The following TMEM108 variants were observed in gnomAD, a reference collection of about 807,000 sequenced individuals.
TMEM108 encodes the protein transmembrane protein 108, also known as cancer/testis antigen 124.
In TMEM108, 12 loss-of-function variants were observed where a neutral mutation model predicts 35.1. That is an observed-to-expected ratio of 0.34 (90% CI 0.22 to 0.55). The LOEUF is 0.55. Among genes scored for constraint, TMEM108 ranks in the 20% least tolerant of loss-of-function variants. The pLI is 0.89. For synonymous variants in TMEM108, 287 were observed against 308.6 expected (o/e 0.93, Z 0.73); for missense variants, 680 against 753.3 (o/e 0.90, Z 1.14).
In TMEM108 at chr3:133,371,629, A is replaced by C. The variant is rs895648569; in HGVS notation, c.41-8123A>C. Among the ~76,000 whole-genome samples, 3 of 151,210 alleles carry C rather than the reference A, an allele frequency of 2.0e-5. No individual in the cohort carries two copies. In the East Asian group the frequency reaches 5.8e-4, roughly 29 times the overall value. On this transcript the variant is annotated intron_variant, in intron 3 of 5. Coordinates refer to ENST00000321871, the MANE Select transcript of TMEM108 (RefSeq NM_023943.4). Reference sequence around the variant, plus strand: ...ACAAACCCACAAAAAAAAAAAAAAAAAAAAAAAAAACCCACCCAGATTTAA... The same window carrying C: ...ACAAACCCACAAAAAAAAAAAAAAACAAAAAAAAAACCCACCCAGATTTAA...
rs554259305 is a variant in TMEM108 at position 133,240,173 on chromosome 3, T to C, written c.40+10822T>C. Among the ~76,000 whole-genome samples, 17 of 152,250 alleles carry C rather than the reference T, an allele frequency of 1.1e-4. No individual in the cohort carries two copies. The South Asian group carries it at 3.3e-3, about 30-fold the overall frequency. ...TAGAGGCTGTTTTTGGGGGGCTTGA[T>C]TATGAAGAGATTTGCAAAAGTTCTC... On this transcript the variant is annotated intron_variant, in intron 3 of 5. Coordinates refer to ENST00000321871, the MANE Select transcript of TMEM108 (RefSeq NM_023943.4).
intron 2 of TMEM108, among the ~76,000 whole-genome samples, chr3:133,083,123 T>A (rs1377779048): frequency 6.6e-6 from 1 of 152,102 alleles, no homozygotes; most frequent in Admixed American, 6.6e-5. Context: ...GAGCCTGTGC[T>A]TTCAACTACC....
intron 2 of TMEM108, chr3:133,125,033 C>T (rs1181904228): frequency 1.3e-5 from 2 of 152,150 alleles, no homozygotes; most frequent in African/African-American, 2.4e-5. Flanking sequence ...ATCTGAGACT[C>T]GTTGGAGAAT....
chr3:133,205,208 A>C (rs1412177701), intron 2 of TMEM108, among the ~76,000 whole-genome samples: 2 of 151,550 alleles, frequency 1.3e-5, no homozygotes, highest in African/African-American at 4.9e-5. Flanking sequence ...GTCCTTGCAC[A>C]TGAGATGGGT....
chr3:133,245,920 T>C (rs1946379301), intron 3 of TMEM108, among the ~76,000 whole-genome samples: 1 of 151,296 alleles, frequency 6.6e-6, no homozygotes, highest in Non-Finnish European at 1.5e-5. Flanking sequence ...TTTCAACATA[T>C]AATCAATAAA....
intron 3 of TMEM108, among the ~76,000 whole-genome samples, chr3:133,309,801 C>T (rs1454657015): frequency 2.8e-5 from 4 of 143,640 alleles, no homozygotes; most frequent in South Asian, 2.3e-4. Flanking sequence ...CCCGGGTTCA[C>T]GCTATTCTCC....
intron 2 of TMEM108, among the ~76,000 whole-genome samples, chr3:133,130,079 T>G (rs1363926152): frequency 1.3e-5 from 2 of 152,174 alleles, no homozygotes; most frequent in African/African-American, 4.8e-5. Context: ...TGTGTGAATC[T>G]TAAGTCAAAT....
intron 3 of TMEM108, among the ~76,000 whole-genome samples, chr3:133,315,480 C>T (rs1337639651): frequency 6.6e-6 from 1 of 152,234 alleles, no homozygotes; most frequent in East Asian, 1.9e-4. Flanking sequence ...CTTGGCCCCT[C>T]ACCCCAGCCC....
At chr3:133,169,516 C>T (rs1392497775) in intron 2 of TMEM108, among the ~76,000 whole-genome samples, 2 of 152,188 alleles carry the variant, frequency 1.3e-5, no homozygotes, top group African/African-American at 4.8e-5. Flanking sequence ...ATTTCTGAGC[C>T]TCAGCCCTAG....
intron 2 of TMEM108, 143 bp from the exon 3 acceptor site, chr3:133,229,123 C>A (rs1282668477): frequency 5.5e-6 from 3 of 542,504 alleles, no homozygotes; most frequent in Non-Finnish European, 9.6e-6. Context: ...GTAAATTAAA[C>A]TGTGGTGTAT....
chr3:133,233,026 GT>G (rs61221027), intron 3 of TMEM108, among the ~76,000 whole-genome samples: 49,719 of 138,590 alleles, frequency 0.36, 8,643 homozygotes, highest in Middle Eastern at 0.46. Context: ...TACCACTTTC[GT>G]TTTTTTTTTT....
intron 2 of TMEM108, among the ~76,000 whole-genome samples, chr3:133,063,762 T>G (rs1157383059): frequency 6.6e-6 from 1 of 152,070 alleles, no homozygotes; most frequent in African/African-American, 2.4e-5. Flanking sequence ...GTTTTGGGTC[T>G]CCCGCTGGAC....
chr3:133,129,250 C>T (rs1013648282), intron 2 of TMEM108, among the ~76,000 whole-genome samples: 12 of 151,198 alleles, frequency 7.9e-5, no homozygotes, highest in Non-Finnish European at 1.8e-4. Flanking sequence ...GGCTGAGGCA[C>T]AAGAATCGCT....
At chr3:133,156,188 G>A (rs1190143954) in intron 2 of TMEM108, among the ~76,000 whole-genome samples, 1 of 151,672 alleles carries the variant, frequency 6.6e-6, no homozygotes, top group Non-Finnish European at 1.5e-5. Flanking sequence ...TACAGGCTTG[G>A]TGTTCAGAAA....
chr3:133,326,645 T>A (rs143319601), intron 3 of TMEM108, among the ~76,000 whole-genome samples: 2 of 152,092 alleles, frequency 1.3e-5, no homozygotes, highest in African/African-American at 4.8e-5. Context: ...TGACTGACAT[T>A]TTCCTAGATC....
chr3:133,276,937 G>T (rs1053633180), intron 3 of TMEM108, among the ~76,000 whole-genome samples: 3 of 152,138 alleles, frequency 2.0e-5, no homozygotes, highest in African/African-American at 7.2e-5. Context: ...CTATGGAGAG[G>T]ATGACATGAT....
At chr3:133,217,256 T>C (rs1233401682) in intron 2 of TMEM108, among the ~76,000 whole-genome samples, 1 of 152,018 alleles carries the variant, frequency 6.6e-6, no homozygotes, top group African/African-American at 2.4e-5. Context: ...CTATTCAGTT[T>C]TTTTGCTCAT....
intron 2 of TMEM108, among the ~76,000 whole-genome samples, chr3:133,070,479 G>T (rs537807651): frequency 6.6e-6 from 1 of 152,222 alleles, no homozygotes; most frequent in South Asian, 2.1e-4. Context: ...TTTAAAGGTG[G>T]ATTCTCCATT....
At chr3:133,310,768 A>G (rs570820571) in intron 3 of TMEM108, among the ~76,000 whole-genome samples, 60 of 151,982 alleles carry the variant, frequency 3.9e-4, no homozygotes, top group African/African-American at 1.4e-3. Flanking sequence ...TGTCATTATG[A>G]TGTTTGCTGG....
Sources: gnomAD v4.1 joint callset for allele counts (sites outside exome capture counted in the v4.1 genomes callset) on GRCh38, gnomAD v4.1.1 for gene constraint, MANE v1.5 for transcripts, NCBI Gene and HGNC (gene_info 2026-07-23, HGNC 2026-07-21) for gene names.